TSR2: variants seen among roughly 807,000 people sequenced by gnomAD.
TSR2 encodes pre-rRNA-processing protein TSR2 homolog.
TSR2 carries 1 observed loss-of-function variant against 13.3 expected under a neutral mutation model. That is an observed-to-expected ratio of 0.08 (90% CI 0.03 to 0.36). TSR2 has a LOEUF of 0.36. Ranked by LOEUF, TSR2 falls within the 10% of genes least tolerant of loss-of-function variation. The pLI is 0.99. For synonymous variants in TSR2, 60 were observed against 57.7 expected (o/e 1.04, Z -0.18); for missense variants, 120 against 151.1 (o/e 0.79, Z 1.08).
Position 54,448,026 on chromosome X carries a change from A to T in TSR2, c.*3476A>T, listed in dbSNP as rs1042994279. Among the ~76,000 whole-genome samples the T allele has an allele frequency of 8.0e-5, 9 of 111,847 alleles. No individual in the cohort carries two copies. Among genetic ancestry groups the T allele is most frequent in the Admixed American group, 3.8e-4 (4 of 10,474 alleles). ...TAAATAAATACCTAGATTTGTTTTT[A>T]AAAAAATCTCCAAAATGTGTGTTTG... On this transcript the variant is annotated 3_prime_UTR_variant, in exon 5 of 5. Transcript: ENST00000375151.
chrX:54,443,896 C>T, intron 3 of TSR2, 112 bp from the exon 4 acceptor site: 1 of 1,065,251 alleles, frequency 9.4e-7, no homozygotes, highest in African/African-American at 1.8e-5. Flanking sequence ...GAGGAAAGAG[C>T]TCTGTTCTCT....
In TSR2 at chrX:54,444,581, T is replaced by G. The variant is rs769947310; in HGVS notation, c.*31T>G. The G allele has an allele frequency of 3.7e-5, 44 of 1,197,022 alleles. No individual in the cohort carries two copies. The highest frequency in any genetic ancestry group is 4.7e-5 in the Non-Finnish European group (42 of 888,254). On this transcript the variant is annotated 3_prime_UTR_variant, in exon 5 of 5. Transcript: ENST00000375151. ...GATGATTGGAAATGGCTTTGGGCCC[T>G]TATTTGCTGTTCTAAGAGTTGTCTG...
Position 54,440,622 on chromosome X carries a change from A to C in TSR2, c.82-68A>C, listed in dbSNP as rs955241978. On this transcript the variant is annotated intron_variant, in intron 1 of 4. Transcript: ENST00000375151. ...ATAAGAGGAGTTGGCTGGGCGGCGT[A>C]AGCGGCCTCCAGGCTACTCCAGGTC... The C allele has an allele frequency of 3.5e-6, 4 of 1,149,390 alleles. No homozygotes were observed. The African/African-American group carries it at 7.1e-5, about 21-fold the overall frequency. 94.7% of individuals were successfully genotyped at this position (1,149,390 alleles called of 1,213,427 possible). A position where few individuals can be genotyped will look rare whatever the true frequency, so the allele number is the denominator to read the frequency against.
In TSR2 at chrX:54,446,453, C is replaced by T; in HGVS notation, c.*1903C>T. The T allele has an allele frequency of 8.6e-7, 1 of 1,157,671 alleles. No individual in the cohort carries two copies. The highest frequency in any genetic ancestry group is 1.2e-6 in the Non-Finnish European group (1 of 855,557). On this transcript the variant is annotated 3_prime_UTR_variant, in exon 5 of 5. Coordinates refer to ENST00000375151, the MANE Select transcript of TSR2 (RefSeq NM_058163.3). ...GGACAGAGCTGGGGCCACCTTGGGG[C>T]TAGACCTTTCCCCCGCCCCAGCTTC... is the stretch of plus-strand genomic sequence containing the variant.
rs1168352073 is a variant in TSR2, at chrX:54,440,452, C to G, written c.31C>G (p.Leu11Val). ...GGGCGCTGCAGAAGATGCGCGAGCTCTTTTCCGGGCTGGGGTCTGCGCGGC... is the reference window on the plus strand; with the variant it reads ...GGGCGCTGCAGAAGATGCGCGAGCTGTTTTCCGGGCTGGGGTCTGCGCGGC... MAGAAEDARA[L>V]FRAGVCAALE... is the part of the protein sequence containing the mutation. The change falls in exon 1 of 5, where the codon CTT becomes GTT. Residue 11 changes from leucine (L) to valine (V), a missense_variant. Physicochemically the swap from Leu to Val is conservative, Grantham distance 32. This residue lies in a region of TSR2 where 53 missense variants were observed against 52.3 expected (regional missense o/e 1.01). Coordinates refer to ENST00000375151, the MANE Select transcript of TSR2 (RefSeq NM_058163.3). The G allele has an allele frequency of 8.9e-7, 1 of 1,129,060 alleles. No individual in the cohort carries two copies. The highest frequency in any genetic ancestry group is 3.2e-5 in the East Asian group (1 of 30,855). 93.0% of individuals were successfully genotyped at this position (1,129,060 alleles called of 1,213,427 possible). A position where few individuals can be genotyped will look rare whatever the true frequency, so the allele number is the denominator to read the frequency against.
At chrX:54,442,798 GCTT>G (rs1375047119) in intron 2 of TSR2, among the ~76,000 whole-genome samples, 2 of 112,354 alleles carry the variant, frequency 1.8e-5, no homozygotes, top group East Asian at 2.8e-4. Flanking sequence ...TTGGTCTGTG[GCTT>G]CTTTTATCAG....
intron 2 of TSR2, among the ~76,000 whole-genome samples, chrX:54,441,780 G>T (rs1921948093): frequency 9.0e-6 from 1 of 111,124 alleles, no homozygotes; most frequent in Non-Finnish European, 1.9e-5. Context: ...GGTGTGGGAA[G>T]CCCCCTTGAA....
At chrX:54,443,099 G>A (rs1165898357) in intron 2 of TSR2, among the ~76,000 whole-genome samples, 3 of 111,607 alleles carry the variant, frequency 2.7e-5, no homozygotes, top group African/African-American at 9.8e-5. Flanking sequence ...TTGGTAGGAT[G>A]GAAGAGATTG....
At chrX:54,442,014 T>G in intron 2 of TSR2, among the ~76,000 whole-genome samples, 1 of 112,151 alleles carries the variant, frequency 8.9e-6, no homozygotes, top group East Asian at 2.8e-4. Flanking sequence ...CCTGTTTGCT[T>G]TTGTTTCTCA....
chrX:54,444,367 G>T, intron 4 of TSR2, 49 bp from the exon 5 acceptor site: 1 of 1,168,139 alleles, frequency 8.6e-7, no homozygotes, highest in South Asian at 2.0e-5. Context: ...GCAGAGCCTG[G>T]GTCTCCAGTG....
chrX:54,446,721 CTTTTT>C lies in TSR2; in HGVS notation c.*2187_*2191del, dbSNP rs1226487472. Among the ~76,000 whole-genome samples, 2 of 87,669 alleles carry C rather than the reference CTTTTT, an allele frequency of 2.3e-5. No individual in the cohort carries two copies. Among genetic ancestry groups the C allele is most frequent in the Non-Finnish European group, 4.4e-5 (2 of 45,092 alleles). 76.1% of individuals were successfully genotyped at this position (87,669 alleles called of 115,157 possible). A position where few individuals can be genotyped will look rare whatever the true frequency, so the allele number is the denominator to read the frequency against. On this transcript the variant is annotated 3_prime_UTR_variant, in exon 5 of 5. Transcript: ENST00000375151. ...CTATGCTATTGCCCCTATCTGCATA[CTTTTT>C]TTTTTTTTTTTTTTTGAGACAGAGT...
In TSR2 at chrX:54,440,433, T is replaced by C. The variant is rs750620605; in HGVS notation, c.12T>C (p.Ala4=). MAG[A]AEDARALFRA... Reference sequence around the variant, plus strand: ...ACTGGGGCCGGATAATGGCGGGCGCTGCAGAAGATGCGCGAGCTCTTTTCC... The same window carrying C: ...ACTGGGGCCGGATAATGGCGGGCGCCGCAGAAGATGCGCGAGCTCTTTTCC... Residue 4 remains alanine (A), a synonymous_variant, in exon 1 of 5, where the codon GCT becomes GCC. Transcript: ENST00000375151. The C allele has an allele frequency of 1.1e-4, 127 of 1,121,913 alleles. No homozygotes were observed. The highest frequency in any genetic ancestry group is 1.6e-4 in the Admixed American group (5 of 30,349). The allele number at this position is 1,121,913 out of a possible 1,213,427, so 92.5% of individuals were successfully genotyped here.
Position 54,444,538 on chromosome X carries a change from G to A in TSR2, c.564G>A (p.Arg188=). The A allele has an allele frequency of 7.4e-6, 9 of 1,209,578 alleles. No homozygotes were observed. Among genetic ancestry groups the A allele is most frequent in the Non-Finnish European group, 1.0e-5 (9 of 894,644 alleles). Residue 188 remains arginine (R), a synonymous_variant, in exon 5 of 5, where the codon CGG becomes CGA. Coordinates refer to ENST00000375151, the MANE Select transcript of TSR2 (RefSeq NM_058163.3). The stretch of plus-strand genomic sequence containing the variant: ...TGGAAGATGGCTGGACCATTGTCCG[G>A]AGAAAAAAATGAGTGGGGATGATTG... ...DIVEDGWTIV[R]RKK is the part of the protein sequence containing the mutation.
chrX:54,444,379 T>C, intron 4 of TSR2, 37 bp from the exon 5 acceptor site: 1 of 1,182,421 alleles, frequency 8.5e-7, no homozygotes, highest in Non-Finnish European at 1.1e-6. Context: ...TCTCCAGTGG[T>C]CAGTGTATTC....
In TSR2 at chrX:54,443,533, GTCTT is replaced by G. The variant is rs746356789; in HGVS notation, c.264+47_264+50del. 18 of 979,857 alleles carry G rather than the reference GTCTT, an allele frequency of 1.8e-5. No individual in the cohort carries two copies. In the Admixed American group the frequency reaches 4.3e-4, roughly 23 times the overall value. 80.8% of individuals were successfully genotyped at this position (979,857 alleles called of 1,213,427 possible). On this transcript the variant is annotated intron_variant, in intron 3 of 4. Transcript: ENST00000375151. ...CACAACTGCAGTCTCCCTACCTGTAGTCTTTCTTCTCCCCAGCTGTCTGTTTTGG... is the reference window on the plus strand; with the variant it reads ...CACAACTGCAGTCTCCCTACCTGTAGTCTTCTCCCCAGCTGTCTGTTTTGG...
Position 54,440,443 on chromosome X carries a change from G to A in TSR2, c.22G>A (p.Ala8Thr), listed in dbSNP as rs377577583. 2 of 1,128,746 alleles carry A rather than the reference G, an allele frequency of 1.8e-6. No homozygotes were observed. The highest frequency in any genetic ancestry group is 2.2e-5 in the South Asian group (1 of 44,883). The allele number at this position is 1,128,746 out of a possible 1,213,427, so 93.0% of individuals were successfully genotyped here. The change falls in exon 1 of 5, where the codon GCG (alanine) becomes ACG (threonine). Residue 8 changes from alanine to threonine, a missense_variant. Physicochemically the swap from Ala to Thr is moderately conservative, Grantham distance 58. Transcript: ENST00000375151. Reference protein sequence around the residue: MAGAAEDARALFRAGVCA... With the variant: MAGAAEDTRALFRAGVCA... ...GATAATGGCGGGCGCTGCAGAAGAT[G>A]CGCGAGCTCTTTTCCGGGCTGGGGT...
chrX:54,444,086 A>C lies in TSR2; in HGVS notation c.343A>C (p.Ile115Leu). The C allele has an allele frequency of 8.3e-7, 1 of 1,211,839 alleles. No homozygotes were observed. The highest frequency in any genetic ancestry group is 1.1e-6 in the Non-Finnish European group (1 of 895,522). ...GAALREMASC[I>L]TQRKCKVTAT... is the part of the protein sequence containing the mutation. The stretch of plus-strand genomic sequence containing the variant: ...TGCTCTGAGGGAGATGGCCTCCTGC[A>C]TCACTCAGAGAAAATGCAAGGTCAC... The change falls in exon 4 of 5, where the codon ATC becomes CTC. Residue 115 changes from isoleucine (I) to leucine (L), a missense_variant. Ile to Leu is a conservative substitution (Grantham distance 5, BLOSUM62 2). This residue lies in a region of TSR2 where 55 missense variants were observed against 61.3 expected (regional missense o/e 0.90). Transcript: ENST00000375151.
chrX:54,443,297 C>T, intron 2 of TSR2, 103 bp from the exon 3 acceptor site: 2 of 568,141 alleles, frequency 3.5e-6, no homozygotes, highest in South Asian at 5.5e-5. Context: ...TGTGCCTTTA[C>T]CCACCCAGTT....
intron 2 of TSR2, among the ~76,000 whole-genome samples, chrX:54,441,363 A>G (rs1347748862): frequency 8.9e-6 from 1 of 111,993 alleles, no homozygotes; most frequent in Non-Finnish European, 1.9e-5. Flanking sequence ...TACAAGAACA[A>G]GAGGCCCAGT....
Sources: gnomAD v4.1 joint callset for allele counts (sites outside exome capture counted in the v4.1 genomes callset) on GRCh38, gnomAD v4.1.1 for gene constraint, gnomAD v4.1.1 regional missense constraint, MANE v1.5 for transcripts, NCBI Gene and HGNC (gene_info 2026-07-23, HGNC 2026-07-21) for gene names.